The following PDE11A variants were observed in gnomAD, a reference collection of about 807,000 sequenced individuals.
PDE11A encodes the protein phosphodiesterase 11A.
In PDE11A, 100 loss-of-function variants were observed where a neutral mutation model predicts 100.5. That is an observed-to-expected ratio of 1.00 (90% CI 0.85 to 1.18). PDE11A has a LOEUF of 1.18. PDE11A is among the 50% of genes most tolerant of loss of function. The probability of loss-of-function intolerance (pLI) is 0.00; values close to 1 mark genes in which losing one functional copy is unlikely to be tolerated. For synonymous variants in PDE11A, 381 were observed against 420.8 expected (o/e 0.91, Z 1.16); for missense variants, 1,141 against 1,152.6 (o/e 0.99, Z 0.15).
chr2:177,740,968 G>A (rs1186001572), intron 10 of PDE11A, among the ~76,000 whole-genome samples: 9 of 152,210 alleles, frequency 5.9e-5, no homozygotes, highest in Non-Finnish European at 1.5e-5. Context: ...TGCTAAAGCT[G>A]TGGCCTTGAG....
At chr2:178,093,386 T>G (rs774381775) in intron 2 of PDE11A, among the ~76,000 whole-genome samples, 6 of 152,116 alleles carry the variant, frequency 3.9e-5, no homozygotes, top group Non-Finnish European at 8.8e-5. Context: ...AGTCAAGAAT[T>G]TATGACTACT....
At chr2:177,886,575 GT>G (rs1455298905) in intron 4 of PDE11A, among the ~76,000 whole-genome samples, 1 of 152,056 alleles carries the variant, frequency 6.6e-6, no homozygotes, top group Non-Finnish European at 1.5e-5. Context: ...GCAATAAGCA[GT>G]TTTTTTAAGT....
intron 19 of PDE11A, among the ~76,000 whole-genome samples, 156 bp downstream of exon 19, chr2:177,663,710 G>A (rs2080521859): frequency 6.6e-6 from 1 of 152,114 alleles, no homozygotes; most frequent in Non-Finnish European, 1.5e-5. Flanking sequence ...TCCCAGCCAG[G>A]GCACAGTCAG....
At chr2:178,007,109 G>A (rs533104309) in intron 2 of PDE11A, among the ~76,000 whole-genome samples, 1 of 152,168 alleles carries the variant, frequency 6.6e-6, no homozygotes. Flanking sequence ...TCTATGTTAA[G>A]ATTCAATTAT....
chr2:177,748,524 A>G (rs1045351737), intron 10 of PDE11A, among the ~76,000 whole-genome samples: 1 of 152,204 alleles, frequency 6.6e-6, no homozygotes, highest in African/African-American at 2.4e-5. Context: ...CCTCCTAGCA[A>G]CAGTGTACTG....
At chr2:177,797,081 T>G (rs925220583) in intron 9 of PDE11A, 5 of 152,202 alleles carry the variant, frequency 3.3e-5, no homozygotes, top group African/African-American at 1.2e-4. Flanking sequence ...TGGGCAAGTC[T>G]TCATTATTTA....
At chr2:177,970,084 G>A (rs1037890070) in intron 2 of PDE11A, among the ~76,000 whole-genome samples, 5 of 152,232 alleles carry the variant, frequency 3.3e-5, no homozygotes, top group South Asian at 2.1e-4. Flanking sequence ...TATGCATTTC[G>A]AGTACTGTAA....
chr2:177,982,513 C>T (rs2085894793), intron 2 of PDE11A, among the ~76,000 whole-genome samples: 1 of 150,348 alleles, frequency 6.7e-6, no homozygotes, highest in Admixed American at 6.6e-5. Flanking sequence ...GGATACGACA[C>T]CTTGGTGGGG....
intron 10 of PDE11A, among the ~76,000 whole-genome samples, chr2:177,753,163 CTGTT>C (rs1379444825): frequency 3.3e-5 from 5 of 152,196 alleles, no homozygotes; most frequent in African/African-American, 1.2e-4. Context: ...TGGAGTTTAA[CTGTT>C]TGTTGTCATT....
intron 2 of PDE11A, among the ~76,000 whole-genome samples, chr2:178,088,647 T>C (rs1231445190): frequency 6.6e-6 from 1 of 152,262 alleles, no homozygotes; most frequent in East Asian, 1.9e-4. Context: ...GAATTAGAAT[T>C]GCCTATGCTA....
intron 2 of PDE11A, among the ~76,000 whole-genome samples, chr2:178,102,231 A>T (rs1282970590): frequency 6.6e-6 from 1 of 151,600 alleles, no homozygotes; most frequent in Non-Finnish European, 1.5e-5. Context: ...GGTTCAAGCG[A>T]TTCTCCTGCC....
At chr2:177,998,857 C>G (rs2086109878) in intron 2 of PDE11A, 1 of 606,570 alleles carries the variant, frequency 1.6e-6, no homozygotes, top group South Asian at 2.0e-5. Flanking sequence ...AGCCCACTAC[C>G]TGCACTATTA....
chr2:177,945,727 T>TGGG (rs749776424), intron 2 of PDE11A, among the ~76,000 whole-genome samples: 248 of 108,602 alleles, frequency 2.3e-3, no homozygotes, highest in African/African-American at 8.7e-3. Flanking sequence ...GGGAGGGAGG[T>TGGG]GGGGGGGGTC....
At chr2:177,735,136 TGGGGGAAACAC>T (rs1200110061) in intron 10 of PDE11A, among the ~76,000 whole-genome samples, 1 of 152,184 alleles carries the variant, frequency 6.6e-6, no homozygotes, top group Non-Finnish European at 1.5e-5. Flanking sequence ...AGAGCTGCGA[TGGGGGAAACAC>T]GGGGCACCAC....
chr2:178,072,835 C>T, upstream of PDE11A: 1 of 1,184,964 alleles, frequency 8.4e-7, no homozygotes, highest in African/African-American at 1.6e-5. Context: ...GAGTGAGGCA[C>T]GGAGCCTGGA....
chr2:177,952,135 T>C (rs958674557), intron 2 of PDE11A, among the ~76,000 whole-genome samples: 2 of 152,322 alleles, frequency 1.3e-5, no homozygotes, highest in South Asian at 2.1e-4. Flanking sequence ...TGCCATTACA[T>C]GACAAAGTAG....
intron 9 of PDE11A, among the ~76,000 whole-genome samples, chr2:177,781,621 G>A (rs2105518484): frequency 6.6e-6 from 1 of 152,092 alleles, no homozygotes; most frequent in African/African-American, 2.4e-5. Context: ...TCCTGACTCA[G>A]CCTCCAAGTA....
chr2:177,997,941 C>T (rs2086097618), intron 2 of PDE11A: 4 of 1,246,116 alleles, frequency 3.2e-6, no homozygotes, highest in Admixed American at 1.7e-5. Flanking sequence ...CAAGACCTTC[C>T]ACTGCGGTAG....
chr2:177,930,712 C>T (rs1454070686), intron 2 of PDE11A, among the ~76,000 whole-genome samples: 1 of 152,144 alleles, frequency 6.6e-6, no homozygotes, highest in African/African-American at 2.4e-5. Flanking sequence ...CGGAAATGGC[C>T]AAACACAGAG....
Sources: allele counts gnomAD v4.1 joint callset (sites outside exome capture counted in the v4.1 genomes callset), GRCh38; gene constraint gnomAD v4.1.1; transcripts MANE v1.5; gene names NCBI Gene and HGNC (gene_info 2026-07-23, HGNC 2026-07-21).